Variants in IQGAP2 observed in about 807,000 individuals in gnomAD.
IQGAP2 encodes the protein ras GTPase-activating-like protein IQGAP2.
A neutral mutation model predicts 201.3 loss-of-function variants in IQGAP2; 173 were observed. That is an observed-to-expected ratio of 0.86 (90% CI 0.76 to 0.98). The LOEUF is 0.98. Ranked by LOEUF, IQGAP2 falls within the 50% of genes least tolerant of loss-of-function variation. IQGAP2 has a pLI of 0.00. For synonymous variants in IQGAP2, 675 were observed against 673.9 expected, an observed-to-expected ratio of 1.00 and a Z score of -0.03; for missense variants, 1,687 against 1,864.8, an observed-to-expected ratio of 0.90 and a Z score of 1.76.
At chr5:76,510,910 C>G (rs1204805262) in intron 2 of IQGAP2, 35 of 337,142 alleles carry the variant, frequency 1.0e-4, no homozygotes, top group South Asian at 6.3e-4. Context: ...GCACCCCTCT[C>G]ACCAGCTGCA....
chr5:76,636,605 G>C, intron 15 of IQGAP2, among the ~76,000 whole-genome samples: 1 of 152,196 alleles, frequency 6.6e-6, no homozygotes, highest in East Asian at 1.9e-4. Flanking sequence ...CCTTAAATAA[G>C]GGCCACAGTC....
chr5:76,472,800 T>C (rs1486173533), intron 2 of IQGAP2, among the ~76,000 whole-genome samples: 1 of 152,246 alleles, frequency 6.6e-6, no homozygotes, highest in Non-Finnish European at 1.5e-5. Flanking sequence ...GAGCAACTGA[T>C]ATTTGATCCC....
At chr5:76,485,566 C>A (rs1379617511) in intron 2 of IQGAP2, among the ~76,000 whole-genome samples, 1 of 152,172 alleles carries the variant, frequency 6.6e-6, no homozygotes, top group Non-Finnish European at 1.5e-5. Context: ...TTCTTAAAGT[C>A]CTAAGTGGGT....
intron 13 of IQGAP2, among the ~76,000 whole-genome samples, chr5:76,620,970 A>G (rs1749601225): frequency 6.6e-6 from 1 of 152,194 alleles, no homozygotes; most frequent in Non-Finnish European, 1.5e-5. Flanking sequence ...ACTTTTTGTA[A>G]CCCTTTCACA....
chr5:76,511,211 A>G (rs1757939392), intron 2 of IQGAP2, among the ~76,000 whole-genome samples: 1 of 152,160 alleles, frequency 6.6e-6, no homozygotes, highest in African/African-American at 2.4e-5. Context: ...AATTCCAGAG[A>G]TGGGTGGCTA....
chr5:76,575,832 A>G (rs1745434856), intron 5 of IQGAP2, 63 bp downstream of exon 5: 8 of 949,652 alleles, frequency 8.4e-6, no homozygotes, highest in Non-Finnish European at 1.2e-5. Flanking sequence ...CTAAAATTTC[A>G]ATTTTAAAAG....
chr5:76,550,828 G>T lies in IQGAP2; in HGVS notation c.147-11568G>T, dbSNP rs572933174. On this transcript the variant is annotated intron_variant, in intron 2 of 35. Transcript: ENST00000274364. ...TCCCCCTTTTCTATTTGACAAAACC[G>T]CCATCGTCATCATGGCCCGTTCTCA... 8.5e-5 allele frequency among the ~76,000 whole-genome samples: 13 copies of T among 152,268 alleles called. No individual in the cohort carries two copies. In the East Asian group the frequency reaches 2.5e-3, roughly 29 times the overall value.
At chr5:76,489,310 A>G (rs538703451) in intron 2 of IQGAP2, among the ~76,000 whole-genome samples, 2 of 152,278 alleles carry the variant, frequency 1.3e-5, no homozygotes, top group South Asian at 2.1e-4. Context: ...AGTTTTGTCT[A>G]CTAGAGCTGA....
At chr5:76,613,784 T>A (rs778861035) in intron 13 of IQGAP2, among the ~76,000 whole-genome samples, 44 of 152,180 alleles carry the variant, frequency 2.9e-4, no homozygotes, top group Non-Finnish European at 5.7e-4. Context: ...AACCTCCACC[T>A]CCCAGGTTCA....
rs113761207 is a variant in IQGAP2 at position 76,524,189 on chromosome 5, T to C, written c.147-38207T>C. On this transcript the variant is annotated intron_variant, in intron 2 of 35. Transcript: ENST00000274364. ...GCAGAATCAGCTTTGGTCTTAATAA[T>C]GCAAGGAATCAAAGAGCCTTTGGTG... Among the ~76,000 whole-genome samples the C allele has an allele frequency of 2.8e-3, 419 of 152,312 alleles. 2 individuals are homozygous for C. Among genetic ancestry groups the C allele is most frequent in the South Asian group, 0.014 (67 of 4,828 alleles).
At chr5:76,412,991 T>C (rs926198626) in intron 1 of IQGAP2, among the ~76,000 whole-genome samples, 4 of 151,960 alleles carry the variant, frequency 2.6e-5, no homozygotes, top group African/African-American at 9.7e-5. Flanking sequence ...GCAGGGATGG[T>C]GATGGCAGAA....
intron 23 of IQGAP2, among the ~76,000 whole-genome samples, chr5:76,669,853 T>A (rs995778694): frequency 1.3e-5 from 2 of 152,148 alleles, no homozygotes; most frequent in African/African-American, 4.8e-5. Context: ...AAATCTTTTT[T>A]CTTCTTCTTC....
intron 9 of IQGAP2, among the ~76,000 whole-genome samples, chr5:76,594,034 G>A (rs1205006730): frequency 6.6e-6 from 1 of 152,172 alleles, no homozygotes; most frequent in African/African-American, 2.4e-5. Flanking sequence ...ACATAACTGG[G>A]CTGAAAACTC....
At chr5:76,677,864 G>A (rs1744957520) in intron 28 of IQGAP2, among the ~76,000 whole-genome samples, 1 of 152,174 alleles carries the variant, frequency 6.6e-6, no homozygotes. Context: ...TCAGGAGTCT[G>A]AGGCTGCAGT....
intron 35 of IQGAP2, among the ~76,000 whole-genome samples, chr5:76,703,186 T>C (rs911861046): frequency 6.6e-6 from 1 of 152,082 alleles, no homozygotes; most frequent in African/African-American, 2.4e-5. Flanking sequence ...GAAAGGGTCT[T>C]GCTCTGTCGC....
intron 15 of IQGAP2, among the ~76,000 whole-genome samples, chr5:76,634,261 C>CT (rs11356351): frequency 2.5e-4 from 37 of 147,592 alleles, no homozygotes; most frequent in Admixed American, 5.4e-4. Flanking sequence ...AAATATTTGC[C>CT]TTTTTTTTTT....
At chr5:76,647,284 A>G (rs1157348438) in intron 17 of IQGAP2, among the ~76,000 whole-genome samples, 1 of 152,114 alleles carries the variant, frequency 6.6e-6, no homozygotes, top group Non-Finnish European at 1.5e-5. Context: ...CATAGTGGTG[A>G]GTTCTTTGAG....
intron 21 of IQGAP2, among the ~76,000 whole-genome samples, chr5:76,661,042 G>A (rs1743204392): frequency 6.6e-6 from 1 of 151,916 alleles, no homozygotes; most frequent in Non-Finnish European, 1.5e-5. Flanking sequence ...TCCAGAAGAA[G>A]AAAGAAGTTA....
Position 76,677,576 on chromosome 5 carries a change from G to A in IQGAP2, c.3660+226G>A, listed in dbSNP as rs78711936. On this transcript the variant is annotated intron_variant, in intron 28 of 35. Transcript: ENST00000274364. ...TTACATAATTATTCCCTGACTCCTA[G>A]ACATTAATAAAACTTCTCCCCAAAA... 9 of 347,756 alleles carry A rather than the reference G, an allele frequency of 2.6e-5. No homozygotes were observed. In the East Asian group the frequency reaches 4.2e-4, roughly 16 times the overall value. The allele number at this position is 347,756 out of a possible 1,614,324, so 21.5% of individuals were successfully genotyped here.
Sources: allele counts gnomAD v4.1 joint callset (sites outside exome capture counted in the v4.1 genomes callset), GRCh38; gene constraint gnomAD v4.1.1; transcripts MANE v1.5; gene names NCBI Gene and HGNC (gene_info 2026-07-23, HGNC 2026-07-21).